The following ANO2 variants were observed in gnomAD, a reference collection of about 807,000 sequenced individuals.
ANO2 encodes anoctamin-2.
ANO2 carries 101 observed loss-of-function variants against 124.2 expected under a neutral mutation model. That is an observed-to-expected ratio of 0.81 (90% CI 0.69 to 0.96). The LOEUF (loss-of-function observed/expected upper bound fraction) is 0.96. ANO2 is among the 40% of genes least tolerant of loss of function. ANO2 has a pLI of 0.00. For synonymous variants in ANO2, 486 were observed against 482.5 expected (o/e 1.01, Z -0.09); for missense variants, 1,293 against 1,274.5 (o/e 1.01, Z -0.22).
Position 5,635,216 on chromosome 12 carries a change from G to C in ANO2, c.1752C>G (p.Asn584Lys). Residue 584 changes from asparagine to lysine, a missense_variant, in exon 16 of 25, where the codon AAC becomes AAG. Asn to Lys is a moderately conservative substitution (Grantham distance 94). Transcript: ENST00000682330. The surrounding 1 kb of genome is among the most constrained non-coding windows in gnomAD (Gnocchi z 5.2). ...VTVTATAVIINLVVILILDEI... is the reference protein window; with the variant it reads ...VTVTATAVIIKLVVILILDEI... ...CGTCCAGGATGAGGATGACCACGAGGTTGATGATGACTGCTGTTGCTGTCA... is the reference window on the plus strand; with the variant it reads ...CGTCCAGGATGAGGATGACCACGAGCTTGATGATGACTGCTGTTGCTGTCA... 1 of 1,611,876 alleles carries C rather than the reference G, an allele frequency of 6.2e-7. No homozygotes were observed. The highest frequency in any genetic ancestry group is 8.5e-7 in the Non-Finnish European group (1 of 1,179,312).
intron 14 of ANO2, among the ~76,000 whole-genome samples, chr12:5,714,699 T>G (rs558043668): frequency 6.6e-6 from 1 of 152,318 alleles, no homozygotes; most frequent in East Asian, 1.9e-4. Flanking sequence ...TCCCTTTTAA[T>G]AAGATCTACT....
In ANO2 at chr12:5,658,226, A is replaced by G. The variant is rs1947259434; in HGVS notation, c.1546-10425T>C. On this transcript the variant is annotated intron_variant, in intron 14 of 24. Transcript: ENST00000682330. This position sits in a 1 kb window ranked among gnomAD's most constrained non-coding sequence, Gnocchi z 4.3. The stretch of plus-strand genomic sequence containing the variant: ...TCAGGCATGTTACCAACTTCTCTAT[A>G]CCTCCACTTCCTCACCCATAACAAA... Among the ~76,000 whole-genome samples, 1 of 152,008 alleles carries G rather than the reference A, an allele frequency of 6.6e-6. No individual in the cohort carries two copies. The highest frequency in any genetic ancestry group is 1.5e-5 in the Non-Finnish European group (1 of 68,018).
chr12:5,781,304 T>C (rs139109376), intron 10 of ANO2, among the ~76,000 whole-genome samples: 125 of 152,338 alleles, frequency 8.2e-4, no homozygotes, highest in African/African-American at 2.9e-3. Flanking sequence ...TGGCCAGACA[T>C]ATTCCATACA....
At chr12:5,767,046 G>T (rs1424764310) in intron 10 of ANO2, among the ~76,000 whole-genome samples, 1 of 152,192 alleles carries the variant, frequency 6.6e-6, no homozygotes, top group African/African-American at 2.4e-5. Context: ...CATGGAGCAG[G>T]TTGCCAACAA....
intron 12 of ANO2, among the ~76,000 whole-genome samples, chr12:5,741,333 C>T (rs1028747042): frequency 6.6e-6 from 1 of 152,198 alleles, no homozygotes; most frequent in Non-Finnish European, 1.5e-5. Flanking sequence ...CATTATGGTG[C>T]ACTGATGTGC....
intron 11 of ANO2, among the ~76,000 whole-genome samples, chr12:5,748,298 C>T (rs902004897): frequency 1.3e-5 from 2 of 152,160 alleles, no homozygotes; most frequent in Non-Finnish European, 2.9e-5. Flanking sequence ...TGCACTGGCA[C>T]GGTATGGGGT....
chr12:5,707,485 G>C (rs568624785), intron 14 of ANO2, among the ~76,000 whole-genome samples: 1 of 151,986 alleles, frequency 6.6e-6, no homozygotes, highest in East Asian at 1.9e-4. Flanking sequence ...GAGTTAGGTA[G>C]GATGGGTCCA....
chr12:5,935,757 A>G (rs1233569232), intron 1 of ANO2, among the ~76,000 whole-genome samples: 1 of 152,184 alleles, frequency 6.6e-6, no homozygotes, highest in Non-Finnish European at 1.5e-5. Flanking sequence ...TCAACCTTGG[A>G]TATTCATTAG....
At chr12:5,777,411 CAGG>C (rs3837490) in intron 10 of ANO2, among the ~76,000 whole-genome samples, 22,324 of 152,068 alleles carry the variant, frequency 0.15, 1,803 homozygotes, top group African/African-American at 0.21. Context: ...TGCAAAAAAT[CAGG>C]AGAAGAAAGA....
chr12:5,815,714 C>A (rs1001204906), intron 7 of ANO2, among the ~76,000 whole-genome samples: 4 of 152,028 alleles, frequency 2.6e-5, no homozygotes, highest in African/African-American at 9.7e-5. Flanking sequence ...TATTTTCTTC[C>A]TCCTAGTTTT....
chr12:5,690,700 A>G (rs900089878), intron 14 of ANO2, among the ~76,000 whole-genome samples: 8 of 152,178 alleles, frequency 5.3e-5, no homozygotes, highest in Non-Finnish European at 8.8e-5. Context: ...GGGTGGGTGC[A>G]GCCTATGACT....
chr12:5,786,788 T>C (rs1952553477), intron 10 of ANO2, among the ~76,000 whole-genome samples: 1 of 152,222 alleles, frequency 6.6e-6, no homozygotes, highest in African/African-American at 2.4e-5. Context: ...TCAAACTGCC[T>C]GGGATTTGGG....
At chr12:5,619,728 G>A (rs1945015559) in intron 16 of ANO2, among the ~76,000 whole-genome samples, 1 of 152,198 alleles carries the variant, frequency 6.6e-6, no homozygotes, top group South Asian at 2.1e-4. Flanking sequence ...CATGTGGAAC[G>A]CTGTCCTCCA....
chr12:5,916,749 C>A (rs1347414277), intron 3 of ANO2, among the ~76,000 whole-genome samples: 4 of 150,222 alleles, frequency 2.7e-5, no homozygotes, highest in Non-Finnish European at 5.9e-5. Context: ...AACACTGTAT[C>A]TTTTCCAGAA....
At chr12:5,906,967 A>G (rs962102701) in intron 3 of ANO2, among the ~76,000 whole-genome samples, 1 of 152,232 alleles carries the variant, frequency 6.6e-6, no homozygotes, top group Non-Finnish European at 1.5e-5. Flanking sequence ...GAGGCATTAG[A>G]TGATGGATGG....
At chr12:5,932,350 T>G (rs1335165232) in intron 1 of ANO2, among the ~76,000 whole-genome samples, 1 of 143,440 alleles carries the variant, frequency 7.0e-6, no homozygotes, top group Non-Finnish European at 1.5e-5. Context: ...GGAAGACTGG[T>G]AACAAAGTGA....
At chr12:5,779,810 G>A (rs1410275014) in intron 10 of ANO2, among the ~76,000 whole-genome samples, 1 of 152,196 alleles carries the variant, frequency 6.6e-6, no homozygotes, top group East Asian at 1.9e-4. Context: ...CAAATTGACA[G>A]ACCTTCTATA....
At chr12:5,748,690 C>T (rs1239358080) in intron 11 of ANO2, among the ~76,000 whole-genome samples, 1 of 152,026 alleles carries the variant, frequency 6.6e-6, no homozygotes, top group Non-Finnish European at 1.5e-5. Flanking sequence ...TTATGCCCCC[C>T]ACAAGGTAGA....
chr12:5,717,246 C>T (rs574282880), intron 14 of ANO2, among the ~76,000 whole-genome samples: 1 of 152,284 alleles, frequency 6.6e-6, no homozygotes, highest in Admixed American at 6.5e-5. Flanking sequence ...CACCTCCTAC[C>T]AGTTGGAGGA....
Sources: allele counts gnomAD v4.1 joint callset (sites outside exome capture counted in the v4.1 genomes callset), GRCh38; gene constraint gnomAD v4.1.1; non-coding constraint Gnocchi (gnomAD v3.1); transcripts MANE v1.5; gene names NCBI Gene and HGNC (gene_info 2026-07-23, HGNC 2026-07-21).